GAD2: variants seen among roughly 807,000 people sequenced by gnomAD.
GAD2 encodes 65 kDa glutamic acid decarboxylase.
GAD2 carries 22 observed loss-of-function variants against 80.1 expected under a neutral mutation model. The ratio of observed to expected loss-of-function variants is 0.27; its 90% CI spans 0.20 to 0.39. The LOEUF is 0.39. Ranked by LOEUF, GAD2 falls within the 10% of genes least tolerant of loss-of-function variation. GAD2 has a pLI of 1.00. For synonymous variants in GAD2, 274 were observed against 256.9 expected, an observed-to-expected ratio of 1.07 and a Z score of -0.64; for missense variants, 624 against 738.4, an observed-to-expected ratio of 0.85 and a Z score of 1.80.
At chr10:26,245,319 G>T (rs1379874993) in intron 7 of GAD2, among the ~76,000 whole-genome samples, 2 of 151,798 alleles carry the variant, frequency 1.3e-5, no homozygotes, top group Non-Finnish European at 2.9e-5. Flanking sequence ...AACCACCATG[G>T]CACACGTTTA....
intron 5 of GAD2, 90 bp from the exon 6 acceptor site, chr10:26,224,449 G>T: frequency 1.2e-6 from 1 of 836,754 alleles, no homozygotes; most frequent in Non-Finnish European, 2.0e-6. Flanking sequence ...TGTATGTTTT[G>T]AAAAAGGAAA....
intron 11 of GAD2, among the ~76,000 whole-genome samples, chr10:26,280,433 A>G (rs1049056019): frequency 5.3e-5 from 8 of 152,188 alleles, no homozygotes; most frequent in Admixed American, 4.6e-4. Flanking sequence ...TGGTCTGGAA[A>G]GGAAGGACAA....
At chr10:26,258,199 G>A (rs1275464039) in intron 8 of GAD2, among the ~76,000 whole-genome samples, 1 of 152,164 alleles carries the variant, frequency 6.6e-6, no homozygotes, top group Non-Finnish European at 1.5e-5. Flanking sequence ...CATTTATCTG[G>A]TGCTAACATA....
upstream of GAD2, chr10:26,216,669 G>C (rs1311462336): frequency 7.7e-6 from 4 of 520,782 alleles, no homozygotes; most frequent in African/African-American, 8.2e-5. This position sits in a 1 kb window ranked among gnomAD's most constrained non-coding sequence, Gnocchi z 4.7. Flanking sequence ...CGTGACACCC[G>C]CCCTCGCCGC....
intron 11 of GAD2, among the ~76,000 whole-genome samples, chr10:26,274,848 A>G (rs1845179994): frequency 6.6e-6 from 1 of 152,214 alleles, no homozygotes; most frequent in African/African-American, 2.4e-5. Flanking sequence ...GGGATACACC[A>G]GCTAAGGCCC....
At chr10:26,247,342 G>A (rs1331215196) in intron 8 of GAD2, among the ~76,000 whole-genome samples, 1 of 152,052 alleles carries the variant, frequency 6.6e-6, no homozygotes, top group East Asian at 1.9e-4. Flanking sequence ...TTTTGGCAAG[G>A]TCTTTATGAC....
intron 8 of GAD2, among the ~76,000 whole-genome samples, chr10:26,253,984 C>T (rs936952646): frequency 2.0e-5 from 3 of 152,164 alleles, no homozygotes; most frequent in African/African-American, 4.8e-5. Flanking sequence ...TGTTCCACCT[C>T]AGATCATCAT....
chr10:26,219,644 C>T (rs1409021565), intron 4 of GAD2, among the ~76,000 whole-genome samples: 1 of 152,158 alleles, frequency 6.6e-6, no homozygotes, highest in South Asian at 2.1e-4. Context: ...TCGAAAAATG[C>T]GTGATCCAAA....
chr10:26,237,047 G>A (rs1333150133), intron 7 of GAD2, among the ~76,000 whole-genome samples: 1 of 152,246 alleles, frequency 6.6e-6, no homozygotes, highest in Non-Finnish European at 1.5e-5. Flanking sequence ...ACTGTGCAGA[G>A]AGATGCTTCC....
chr10:26,274,245 T>C (rs8190734), intron 11 of GAD2, among the ~76,000 whole-genome samples: 2,279 of 152,320 alleles, frequency 0.015, 65 homozygotes, highest in African/African-American at 0.05. Context: ...GTAATAACCT[T>C]TCTCTGACAC....
intron 10 of GAD2, 40 bp downstream of exon 10, chr10:26,270,796 C>CAAGG: frequency 2.4e-6 from 3 of 1,271,996 alleles, no homozygotes; most frequent in Non-Finnish European, 3.4e-6. Context: ...AACGTCCTTG[C>CAAGG]ACGTTTTTCA....
intron 12 of GAD2, among the ~76,000 whole-genome samples, chr10:26,285,442 A>G (rs1183031386): frequency 6.6e-6 from 1 of 152,244 alleles, no homozygotes; most frequent in Non-Finnish European, 1.5e-5. Flanking sequence ...TAGACAGAAG[A>G]GAACAAAATA....
intron 11 of GAD2, 78 bp downstream of exon 11, chr10:26,273,778 G>C (rs748236856): frequency 1.6e-5 from 20 of 1,238,564 alleles, no homozygotes; most frequent in Non-Finnish European, 2.2e-5. Flanking sequence ...CAATTTCCAG[G>C]AACTTTTGGA....
intron 8 of GAD2, among the ~76,000 whole-genome samples, chr10:26,265,207 T>C (rs1332909801): frequency 1.7e-5 from 1 of 59,682 alleles, no homozygotes; most frequent in African/African-American, 1.7e-4. Flanking sequence ...TCATACGACT[T>C]TTTTTTTTTT....
At chr10:26,264,842 G>A (rs531699191) in intron 8 of GAD2, among the ~76,000 whole-genome samples, 20 of 152,156 alleles carry the variant, frequency 1.3e-4, no homozygotes, top group Admixed American at 1.0e-3. Flanking sequence ...TTGCACTCAC[G>A]TTTTTAGGAA....
chr10:26,275,174 C>A (rs959596042), intron 11 of GAD2, among the ~76,000 whole-genome samples: 7 of 152,210 alleles, frequency 4.6e-5, no homozygotes, highest in African/African-American at 1.7e-4. Context: ...TTGGAAGGTG[C>A]CTGCTCACAT....
intron 8 of GAD2, among the ~76,000 whole-genome samples, chr10:26,251,235 T>G (rs1844878183): frequency 6.6e-6 from 1 of 151,956 alleles, no homozygotes; most frequent in South Asian, 2.1e-4. Flanking sequence ...ATAACATGAG[T>G]ATTTTTCCAC....
chr10:26,218,528 T>G (rs1290224055), intron 3 of GAD2, among the ~76,000 whole-genome samples: 1 of 129,628 alleles, frequency 7.7e-6, no homozygotes, highest in Non-Finnish European at 1.6e-5. Flanking sequence ...CAGACACACA[T>G]GCATACGCTC....
At chr10:26,290,959 C>T (rs190066447) in intron 13 of GAD2, among the ~76,000 whole-genome samples, 158 of 152,322 alleles carry the variant, frequency 1.0e-3, no homozygotes, top group African/African-American at 3.6e-3. Context: ...TCACATGGCC[C>T]ATGATCATCC....
Sources: gnomAD v4.1 joint callset for allele counts (sites outside exome capture counted in the v4.1 genomes callset) on GRCh38, gnomAD v4.1.1 for gene constraint, Gnocchi (gnomAD v3.1) non-coding constraint, MANE v1.5 for transcripts, NCBI Gene and HGNC (gene_info 2026-07-23, HGNC 2026-07-21) for gene names.